ATF6: variants seen among roughly 807,000 people sequenced by gnomAD.
ATF6 encodes cyclic AMP-dependent transcription factor ATF-6 alpha.
Under a neutral mutation model 83.6 loss-of-function variants are expected in ATF6, and 53 were observed. The ratio of observed to expected loss-of-function variants is 0.63; its 90% CI spans 0.51 to 0.80. ATF6 has a LOEUF of 0.80. Among genes scored for constraint, ATF6 ranks in the 30% least tolerant of loss-of-function variants. The pLI, the probability that ATF6 is intolerant of heterozygous loss-of-function variation, is 0.00. For synonymous variants in ATF6, 288 were observed against 285.8 expected (o/e 1.01, Z -0.08); for missense variants, 744 against 797.9 (o/e 0.93, Z 0.81).
At chr1:161,854,519 G>C (rs113931242) in intron 12 of ATF6, among the ~76,000 whole-genome samples, 2 of 152,210 alleles carry the variant, frequency 1.3e-5, no homozygotes, top group African/African-American at 2.4e-5. Flanking sequence ...AGAAGACAAG[G>C]GTTTGGTGAG....
chr1:161,852,419 A>G (rs979799762), intron 11 of ATF6, among the ~76,000 whole-genome samples: 3 of 152,092 alleles, frequency 2.0e-5, no homozygotes, highest in Non-Finnish European at 4.4e-5. Context: ...GAAAAATTTG[A>G]ATTTTTTTTT....
chr1:161,773,112 C>A (rs1684429140), intron 1 of ATF6, among the ~76,000 whole-genome samples: 1 of 151,460 alleles, frequency 6.6e-6, no homozygotes, highest in African/African-American at 2.4e-5. Flanking sequence ...ATTACAGGCG[C>A]CTGCCACCAT....
intron 3 of ATF6, among the ~76,000 whole-genome samples, chr1:161,782,694 A>C (rs531677712): frequency 4.8e-4 from 73 of 152,354 alleles, no homozygotes; most frequent in Admixed American, 4.8e-3. Context: ...CTACCTCTGC[A>C]CTACCTATTC....
intron 9 of ATF6, among the ~76,000 whole-genome samples, chr1:161,829,189 C>CTTTTTTTTTTTTTTTTTTTTTTTTT (rs35619050): frequency 6.9e-5 from 5 of 72,596 alleles, no homozygotes; most frequent in Non-Finnish European, 1.0e-4. Flanking sequence ...TAATGGGAGA[C>CTTTTTTTTTTTTTTTTTTTTTTTTT]TTTTTTTTTT....
chr1:161,915,568 G>A lies in ATF6; in HGVS notation c.1804+3188G>A, dbSNP rs558944857. 1.6e-4 allele frequency among the ~76,000 whole-genome samples: 24 copies of A among 151,680 alleles called. No homozygotes were observed. In the Middle Eastern group the frequency reaches 0.017, roughly 110 times the overall value. On this transcript the variant is annotated intron_variant, in intron 15 of 15. Transcript: ENST00000367942. ...ACTTTACTCTGCATTTATACCATTC[G>A]TCTTTTATACAGTTTCTTCTTCTCT...
intron 9 of ATF6, among the ~76,000 whole-genome samples, chr1:161,824,470 A>G (rs757818425): frequency 2.0e-5 from 3 of 150,562 alleles, no homozygotes; most frequent in Non-Finnish European, 4.4e-5. Context: ...AGCTCCTGCC[A>G]TTGCATTCCC....
intron 9 of ATF6, among the ~76,000 whole-genome samples, chr1:161,835,868 C>T (rs1457639179): frequency 1.3e-5 from 2 of 152,162 alleles, no homozygotes; most frequent in East Asian, 3.8e-4. Flanking sequence ...CATAAATGAA[C>T]ATACTAAGGA....
intron 15 of ATF6, among the ~76,000 whole-genome samples, chr1:161,920,328 T>C (rs1380299486): frequency 2.0e-4 from 19 of 95,014 alleles, no homozygotes; most frequent in African/African-American, 8.8e-4. Context: ...AGAGTCTCGC[T>C]CTGTCGCCCA....
chr1:161,788,013 C>T (rs1207638421), intron 4 of ATF6, among the ~76,000 whole-genome samples: 2 of 152,194 alleles, frequency 1.3e-5, no homozygotes, highest in East Asian at 1.9e-4. Flanking sequence ...TTTTTACCTA[C>T]ACCATAATGA....
In ATF6 at chr1:161,782,897, C is replaced by T. The variant is rs181898108; in HGVS notation, c.247+898C>T. 1.4e-4 allele frequency among the ~76,000 whole-genome samples: 22 copies of T among 152,228 alleles called. No individual in the cohort carries two copies. The East Asian group carries it at 3.1e-3, about 21-fold the overall frequency. ...TGACTGGGTGCTTACGAATTTTGAC[C>T]GGGTGCTCCAAGGATGGCTTGTCTC... On this transcript the variant is annotated intron_variant, in intron 3 of 15. Transcript: ENST00000367942.
In ATF6 at chr1:161,831,944, TA is replaced by T. The variant is rs574016070; in HGVS notation, c.1187+10796del. ...ATGTACCCTAGAACTTAAAGTATAA[TA>T]AAAAAAAAAAAAGAAAGAAAAATTT... On this transcript the variant is annotated intron_variant, in intron 9 of 15. Transcript: ENST00000367942. Among the ~76,000 whole-genome samples the T allele has an allele frequency of 7.2e-3, 944 of 130,354 alleles. 1 individual carries two copies. The highest frequency in any genetic ancestry group is 9.6e-3 in the Non-Finnish European group (576 of 59,722). The allele number at this position is 130,354 out of a possible 152,430, so 85.5% of individuals were successfully genotyped here.
intron 15 of ATF6, among the ~76,000 whole-genome samples, chr1:161,928,897 A>C (rs1475306156): frequency 6.6e-6 from 1 of 152,162 alleles, no homozygotes; most frequent in African/African-American, 2.4e-5. Flanking sequence ...TCCGCCCCCT[A>C]TTCTGTGTTT....
At chr1:161,780,669 G>A (rs554382814) in intron 2 of ATF6, among the ~76,000 whole-genome samples, 2 of 152,108 alleles carry the variant, frequency 1.3e-5, no homozygotes, top group African/African-American at 2.4e-5. Context: ...CACTGCACCC[G>A]GCCGAGGTGT....
chr1:161,953,277 A>G lies in ATF6; in HGVS notation c.1805-5169A>G, dbSNP rs139483379. On this transcript the variant is annotated intron_variant, in intron 15 of 15. Coordinates refer to ENST00000367942, the MANE Select transcript of ATF6 (RefSeq NM_007348.4). ...TTATATGAGATATAAGACAGTTGTC[A>G]TATGGGACTGTCCTGTGTGTCACAG... 3.9e-3 allele frequency among the ~76,000 whole-genome samples: 589 copies of G among 152,328 alleles called. 4 individuals carry two copies. The highest frequency in any genetic ancestry group is 0.014 in the African/African-American group (574 of 41,572).
chr1:161,894,525 T>TTTG (rs1687631279), intron 14 of ATF6, among the ~76,000 whole-genome samples: 1 of 25,472 alleles, frequency 3.9e-5, no homozygotes, highest in African/African-American at 2.9e-4. Context: ...TGTAGTCTTT[T>TTTG]TTTTTTTTTT....
At chr1:161,896,947 A>G (rs1425167543) in intron 14 of ATF6, among the ~76,000 whole-genome samples, 1 of 152,184 alleles carries the variant, frequency 6.6e-6, no homozygotes, top group Non-Finnish European at 1.5e-5. Flanking sequence ...TGCACTTTTC[A>G]CTGCACTTTA....
chr1:161,863,122 G>C, intron 13 of ATF6, 76 bp from the exon 14 acceptor site: 1 of 797,992 alleles, frequency 1.3e-6, no homozygotes, highest in East Asian at 2.7e-5. Flanking sequence ...TTCAGACATA[G>C]CCTTAGAATG....
At chr1:161,784,184 A>C in intron 4 of ATF6, 88 bp downstream of exon 4, 2 of 890,842 alleles carry the variant, frequency 2.2e-6, no homozygotes, top group Non-Finnish European at 3.6e-6. Flanking sequence ...CATTTATTGA[A>C]TACTACTATG....
chr1:161,811,222 T>A (rs1051673212), intron 7 of ATF6, among the ~76,000 whole-genome samples: 4 of 152,248 alleles, frequency 2.6e-5, no homozygotes, highest in African/African-American at 9.6e-5. Flanking sequence ...AATGAAAGTA[T>A]CAATGGCTGT....
Sources: gnomAD v4.1 joint callset for allele counts (sites outside exome capture counted in the v4.1 genomes callset) on GRCh38, gnomAD v4.1.1 for gene constraint, MANE v1.5 for transcripts, NCBI Gene and HGNC (gene_info 2026-07-23, HGNC 2026-07-21) for gene names.